The following HIBCH variants were observed in gnomAD, a reference collection of about 807,000 sequenced individuals.
HIBCH encodes the protein 3-hydroxyisobutyryl-CoA hydrolase.
In HIBCH, 50 loss-of-function variants were observed where a neutral mutation model predicts 58.2. The observed-to-expected ratio is 0.86, with a 90% CI of 0.68 to 1.09. The LOEUF (loss-of-function observed/expected upper bound fraction) is 1.09, where lower values mean the gene tolerates loss of function less well. Among genes scored for constraint, HIBCH ranks in the 50% least tolerant of loss-of-function variants. The pLI is 0.00. For synonymous variants in HIBCH, 151 were observed against 146.9 expected, an observed-to-expected ratio of 1.03 and a Z score of -0.20; for missense variants, 450 against 449.7, an observed-to-expected ratio of 1.00 and a Z score of -0.01.
chr2:190,262,910 A>C (rs1281522049), intron 6 of HIBCH, among the ~76,000 whole-genome samples: 3 of 152,222 alleles, frequency 2.0e-5, no homozygotes, highest in African/African-American at 7.2e-5. Context: ...ATTAAGAGCC[A>C]ATTTTAAAGC....
At position 190,210,545 on chromosome 2, in the gene HIBCH, A is replaced by G. The variant is rs776287799; in HGVS notation, c.1012-1632T>C. ...GCCTGAGTGATCAATTCTTTAAAGT[A>G]TAAGATCATGGCATTCCTCTCCTCA... On this transcript the variant is annotated intron_variant, in intron 12 of 13. Transcript: ENST00000359678. This position sits in a 1 kb window ranked among gnomAD's most constrained non-coding sequence, Gnocchi z 5.5. Among the ~76,000 whole-genome samples, 14 of 152,304 alleles carry G rather than the reference A, an allele frequency of 9.2e-5. No individual in the cohort carries two copies. The highest frequency in any genetic ancestry group is 3.4e-3 in the Middle Eastern group (1 of 294).
At chr2:190,293,012 TA>T (rs1273741396) in intron 4 of HIBCH, among the ~76,000 whole-genome samples, 7 of 152,202 alleles carry the variant, frequency 4.6e-5, no homozygotes, top group Admixed American at 6.5e-5. Flanking sequence ...ATGTGTAAAC[TA>T]CAATAATTCT....
chr2:190,251,574 T>A (rs750718412), intron 8 of HIBCH: 1 of 437,094 alleles, frequency 2.3e-6, no homozygotes, highest in Non-Finnish European at 4.7e-6. Context: ...GACGGGAAAA[T>A]GGGGGGCAAA....
rs752831728 is a variant in HIBCH, at chr2:190,215,741, T to C, written c.892-2666A>G. On this transcript the variant is annotated intron_variant, in intron 11 of 13. Transcript: ENST00000359678. The surrounding 1 kb of genome is among the most constrained non-coding windows in gnomAD (Gnocchi z 4.4). The stretch of plus-strand genomic sequence containing the variant: ...GATAAAGGGGAGGAAACAGCAAACG[T>C]AGAGGGCCAGAGAAAGAGTTAAGCT... The C allele has an allele frequency of 6.6e-6, 1 of 152,156 alleles. No individual in the cohort carries two copies. The highest frequency in any genetic ancestry group is 2.4e-5 in the African/African-American group (1 of 41,388). 9.4% of individuals were successfully genotyped at this position (152,156 alleles called of 1,614,324 possible).
chr2:190,311,394 C>G lies in HIBCH; in HGVS notation c.36-598G>C, dbSNP rs376544880. Among the ~76,000 whole-genome samples the G allele has an allele frequency of 5.3e-5, 8 of 152,232 alleles. No individual in the cohort carries two copies. The East Asian group carries it at 1.5e-3, about 29-fold the overall frequency. Reference sequence around the variant, plus strand: ...TTATTATTTGTCAAACTTTTCTGCTCAAATTTGCAGGTCATTTTTTCCATC... The same window carrying G: ...TTATTATTTGTCAAACTTTTCTGCTGAAATTTGCAGGTCATTTTTTCCATC... On this transcript the variant is annotated intron_variant, in intron 1 of 13. Coordinates refer to ENST00000359678, the MANE Select transcript of HIBCH (RefSeq NM_014362.4).
In HIBCH at chr2:190,287,586, C is replaced by A; in HGVS notation, c.438G>T (p.Gly146=). ...VALIHGITMG[G]GVGLSVHGQF... ...TGATCAGAGTAAAAAGTCTACTTAC[C>A]CCACCCATTGTAATTCCATGAATAA... The change falls in exon 6 of 14, where the codon GGG becomes GGT. Residue 146 remains glycine, a splice_region_variant and synonymous_variant. Coordinates refer to ENST00000359678, the MANE Select transcript of HIBCH (RefSeq NM_014362.4). The A allele has an allele frequency of 6.3e-7, 1 of 1,599,264 alleles. No homozygotes were observed. Among genetic ancestry groups the A allele is most frequent in the East Asian group, 2.2e-5 (1 of 44,718 alleles).
At chr2:190,212,538 C>T (rs7574495) in intron 12 of HIBCH, among the ~76,000 whole-genome samples, 47,171 of 152,028 alleles carry the variant, frequency 0.31, 8,393 homozygotes, top group African/African-American at 0.47. Flanking sequence ...ATTTTAAACA[C>T]GTAACAGACT....
chr2:190,311,109 G>C (rs549337461), intron 1 of HIBCH: 1 of 495,876 alleles, frequency 2.0e-6, no homozygotes, highest in South Asian at 1.7e-5. Context: ...AAAAAGAAAA[G>C]AGCTATTATG....
chr2:190,230,405 C>CT (rs1366991267), intron 11 of HIBCH, among the ~76,000 whole-genome samples: 1 of 152,172 alleles, frequency 6.6e-6, no homozygotes, highest in East Asian at 1.9e-4. Flanking sequence ...GTCACGTATT[C>CT]TTTATTAAAG....
intron 11 of HIBCH, among the ~76,000 whole-genome samples, chr2:190,244,412 G>A (rs1355299566): frequency 4.6e-5 from 7 of 151,994 alleles, no homozygotes; most frequent in Non-Finnish European, 1.0e-4. Flanking sequence ...ACTCAGCTAT[G>A]GCAAGAGATA....
At chr2:190,203,187 A>G (rs1690301377), downstream of HIBCH, 1 of 166,974 alleles carries the variant, frequency 6.0e-6, no homozygotes, top group Non-Finnish European at 1.5e-5. Context: ...AAAGTTAGAG[A>G]CTCTTTATAA....
chr2:190,239,321 A>T (rs1221740509), intron 11 of HIBCH, among the ~76,000 whole-genome samples: 2 of 152,068 alleles, frequency 1.3e-5, no homozygotes, highest in Non-Finnish European at 2.9e-5. Flanking sequence ...CCATTGGTCT[A>T]TATATCTGTT....
intron 11 of HIBCH, among the ~76,000 whole-genome samples, chr2:190,228,336 G>C (rs762880762): frequency 1.3e-5 from 2 of 149,948 alleles, no homozygotes; most frequent in Non-Finnish European, 3.0e-5. Context: ...TCACTCATAG[G>C]TGGGAATTGA....
At chr2:190,319,629 G>A in intron 1 of HIBCH, 87 bp downstream of exon 1, 3 of 1,175,892 alleles carry the variant, frequency 2.6e-6, no homozygotes, top group Non-Finnish European at 1.3e-6. Flanking sequence ...GAAACTTCGA[G>A]GCCAGCAGTC....
chr2:190,225,793 C>CAA (rs1036121884), intron 11 of HIBCH, among the ~76,000 whole-genome samples: 1 of 152,046 alleles, frequency 6.6e-6, no homozygotes, highest in African/African-American at 2.4e-5. Flanking sequence ...ATCCTGATAC[C>CAA]AAAGCCTGGT....
At chr2:190,232,725 G>A (rs1238701629) in intron 11 of HIBCH, among the ~76,000 whole-genome samples, 17 of 152,270 alleles carry the variant, frequency 1.1e-4, no homozygotes, top group African/African-American at 3.1e-4. Flanking sequence ...TTGGGAGGCC[G>A]AGGCAGGTGG....
At chr2:190,266,748 T>C (rs1353328721) in intron 6 of HIBCH, among the ~76,000 whole-genome samples, 2 of 148,812 alleles carry the variant, frequency 1.3e-5, no homozygotes, top group Non-Finnish European at 3.0e-5. Flanking sequence ...AATGAGCCGT[T>C]TTTATTTTTA....
chr2:190,277,469 A>T (rs1428295065), intron 6 of HIBCH, among the ~76,000 whole-genome samples: 1 of 152,190 alleles, frequency 6.6e-6, no homozygotes, highest in African/African-American at 2.4e-5. Flanking sequence ...CATTATTGTA[A>T]GAAAAAATTT....
At position 190,236,799 on chromosome 2, in the gene HIBCH, G is replaced by C; in HGVS notation, c.891+8088C>G. ...ATTAACAATTTATATAAAATGAAAA[G>C]ATACTATCTAAAGATACAAGTACTA... On this transcript the variant is annotated intron_variant, in intron 11 of 13. Coordinates refer to ENST00000359678, the MANE Select transcript of HIBCH (RefSeq NM_014362.4). This position sits in a 1 kb window ranked among gnomAD's most constrained non-coding sequence, Gnocchi z 4.1. Among the ~76,000 whole-genome samples, 1 of 152,138 alleles carries C rather than the reference G, an allele frequency of 6.6e-6. No individual in the cohort carries two copies.
Sources: gnomAD v4.1 joint callset for allele counts (sites outside exome capture counted in the v4.1 genomes callset) on GRCh38, gnomAD v4.1.1 for gene constraint, Gnocchi (gnomAD v3.1) non-coding constraint, MANE v1.5 for transcripts, NCBI Gene and HGNC (gene_info 2026-07-23, HGNC 2026-07-21) for gene names.